The following CDC14A variants were observed in gnomAD, a reference collection of about 807,000 sequenced individuals.
The protein encoded by CDC14A is cell division cycle 14A.
CDC14A carries 53 observed loss-of-function variants against 74.4 expected under a neutral mutation model. That is an observed-to-expected ratio of 0.71 (90% CI 0.57 to 0.89). CDC14A has a LOEUF of 0.89. CDC14A is among the 40% of genes least tolerant of loss of function. The pLI is 0.00. For missense variants in CDC14A, 646 were observed against 713.7 expected (o/e 0.91, Z 1.08); for synonymous variants, 247 against 258.4 (o/e 0.96, Z 0.43).
chr1:100,355,674 A>C (rs1413312303), intron 2 of CDC14A, among the ~76,000 whole-genome samples: 4 of 152,120 alleles, frequency 2.6e-5, no homozygotes, highest in African/African-American at 9.7e-5. Context: ...GTTTGAACTT[A>C]CCCTACTGTG....
chr1:100,432,129 C>A (rs760014673), intron 5 of CDC14A, among the ~76,000 whole-genome samples: 1 of 152,074 alleles, frequency 6.6e-6, no homozygotes, highest in Non-Finnish European at 1.5e-5. Context: ...GTACAGGTCA[C>A]GTTCAACTTT....
chr1:100,511,382 C>T (rs1462222668), intron 15 of CDC14A, among the ~76,000 whole-genome samples: 1 of 152,184 alleles, frequency 6.6e-6, no homozygotes, highest in South Asian at 2.1e-4. Flanking sequence ...GAAAGTCTCT[C>T]CCGCAGATTA....
chr1:100,439,835 C>A, intron 5 of CDC14A, 97 bp from the exon 6 acceptor site: 2 of 807,770 alleles, frequency 2.5e-6, no homozygotes, highest in Non-Finnish European at 4.2e-6. Flanking sequence ...AGCTGTGAAG[C>A]CAAACAAGCA....
At chr1:100,388,744 T>G (rs1261223240) in intron 3 of CDC14A, among the ~76,000 whole-genome samples, 1 of 152,078 alleles carries the variant, frequency 6.6e-6, no homozygotes, top group African/African-American at 2.4e-5. Context: ...AGAGATGAGG[T>G]CTTACTATGT....
At chr1:100,359,255 C>G (rs947288857) in intron 2 of CDC14A, among the ~76,000 whole-genome samples, 1 of 152,182 alleles carries the variant, frequency 6.6e-6, no homozygotes, top group Admixed American at 6.5e-5. Context: ...TCAGAACAAG[C>G]CTAGGAGTTA....
Position 100,376,462 on chromosome 1 carries a change from A to C in CDC14A, c.141-1084A>C, listed in dbSNP as rs576620177. Among the ~76,000 whole-genome samples, 4 of 152,314 alleles carry C rather than the reference A, an allele frequency of 2.6e-5. No individual in the cohort carries two copies. The South Asian group carries it at 8.3e-4, about 32-fold the overall frequency. ...CTGTGATTGAGAGATTTAATGCCTGAGTGACTGGGAGAAGCAAAGTGTTTT... is the reference window on the plus strand; with the variant it reads ...CTGTGATTGAGAGATTTAATGCCTGCGTGACTGGGAGAAGCAAAGTGTTTT... On this transcript the variant is annotated intron_variant, in intron 2 of 15. Coordinates refer to ENST00000336454, the MANE Select transcript of CDC14A (RefSeq NM_003672.4).
chr1:100,418,708 AG>A (rs1419527496), intron 4 of CDC14A, among the ~76,000 whole-genome samples: 2 of 152,232 alleles, frequency 1.3e-5, no homozygotes, highest in Non-Finnish European at 2.9e-5. Flanking sequence ...AGAAAGGTCC[AG>A]GTAGTTCACT....
chr1:100,499,051 A>G lies in CDC14A; in HGVS notation c.1544A>G (p.Asn515Ser), dbSNP rs376127469. 1.8e-5 allele frequency: 29 copies of G among 1,613,924 alleles called. No homozygotes were observed. Among genetic ancestry groups the G allele is most frequent in the Admixed American group, 5.0e-5 (3 of 59,988 alleles). ...GGCTTCACAGCCAGCCCGTTTACCAACCTCTTGAATGGCAGCTCCCAGCCA... is the reference window on the plus strand; with the variant it reads ...GGCTTCACAGCCAGCCCGTTTACCAGCCTCTTGAATGGCAGCTCCCAGCCA... ...KAGFTASPFT[N>S]LLNGSSQPTT... is the part of the protein sequence containing the mutation. Residue 515 changes from asparagine to serine, a missense_variant, in exon 15 of 16, where the codon AAC becomes AGC. Physicochemically the swap from Asn to Ser is conservative, Grantham distance 46. Coordinates refer to ENST00000336454, the MANE Select transcript of CDC14A (RefSeq NM_003672.4).
chr1:100,437,047 A>C (rs900384439), intron 5 of CDC14A, among the ~76,000 whole-genome samples: 7 of 152,142 alleles, frequency 4.6e-5, no homozygotes, highest in Non-Finnish European at 5.9e-5. Flanking sequence ...CTAGCTGGGC[A>C]TGGTGGCTTG....
intron 1 of CDC14A, among the ~76,000 whole-genome samples, chr1:100,346,364 T>C (rs1427459867): frequency 6.6e-6 from 1 of 151,836 alleles, no homozygotes; most frequent in Non-Finnish European, 1.5e-5. Context: ...GTGCGGTGGC[T>C]CCCACCTGCA....
chr1:100,491,572 ATT>A (rs59429516), intron 11 of CDC14A, among the ~76,000 whole-genome samples: 226 of 24,958 alleles, frequency 9.1e-3, no homozygotes, highest in African/African-American at 0.015. Context: ...ATATATATAT[ATT>A]TTTTTTTTTT....
intron 9 of CDC14A, among the ~76,000 whole-genome samples, chr1:100,464,811 T>A (rs1038109099): frequency 6.6e-6 from 1 of 152,242 alleles, no homozygotes; most frequent in Non-Finnish European, 1.5e-5. Flanking sequence ...GAAAACTCTC[T>A]GGTGTTAAAC....
chr1:100,404,118 A>T (rs1326518987), intron 4 of CDC14A, among the ~76,000 whole-genome samples: 2 of 151,836 alleles, frequency 1.3e-5, no homozygotes, highest in Admixed American at 1.3e-4. Flanking sequence ...ATAAAAGAAG[A>T]GCTAACCGCT....
chr1:100,353,557 C>T (rs918316228), intron 1 of CDC14A, among the ~76,000 whole-genome samples: 1 of 152,182 alleles, frequency 6.6e-6, no homozygotes, highest in Non-Finnish European at 1.5e-5. Flanking sequence ...GCTCTGAGCC[C>T]CGCTGAGTTC....
intron 9 of CDC14A, among the ~76,000 whole-genome samples, chr1:100,467,398 C>T (rs1324936666): frequency 6.6e-6 from 1 of 151,446 alleles, no homozygotes; most frequent in Admixed American, 6.6e-5. Context: ...TTTTGTTTTA[C>T]ACACGCGCGC....
chr1:100,384,872 G>C (rs1656628501), intron 3 of CDC14A, among the ~76,000 whole-genome samples: 1 of 152,160 alleles, frequency 6.6e-6, no homozygotes, highest in African/African-American at 2.4e-5. Context: ...ACTTTGGATA[G>C]GGAATGCTTT....
intron 5 of CDC14A, among the ~76,000 whole-genome samples, chr1:100,439,020 A>G (rs1406299761): frequency 1.3e-5 from 2 of 152,210 alleles, no homozygotes; most frequent in South Asian, 4.1e-4. Context: ...ACCTTGGAAC[A>G]CTGTAGTGTT....
chr1:100,512,210 GTTA>G (rs1649839803), intron 15 of CDC14A, among the ~76,000 whole-genome samples: 1 of 152,100 alleles, frequency 6.6e-6, no homozygotes, highest in South Asian at 2.1e-4. Flanking sequence ...ATTATAGTCA[GTTA>G]TACATGATTC....
chr1:100,351,848 G>A (rs1651048566), upstream of CDC14A: 16 of 1,483,672 alleles, frequency 1.1e-5, no homozygotes, highest in Admixed American at 2.0e-5. Flanking sequence ...TGTGAGCTAG[G>A]AGCTGGTGCT....
Sources: allele counts gnomAD v4.1 joint callset (sites outside exome capture counted in the v4.1 genomes callset), GRCh38; gene constraint gnomAD v4.1.1; transcripts MANE v1.5; gene names NCBI Gene and HGNC (gene_info 2026-07-23, HGNC 2026-07-21).